The following DCBLD1 variants were observed in gnomAD, a reference collection of about 807,000 sequenced individuals.
DCBLD1 encodes discoidin, CUB and LCCL domain containing 1.
In DCBLD1, 57 loss-of-function variants were observed where a neutral mutation model predicts 71.5. The observed-to-expected ratio is 0.80, with a 90% CI of 0.64 to 0.99. The LOEUF is 0.99. Ranked by LOEUF, DCBLD1 falls within the 50% of genes least tolerant of loss-of-function variation. DCBLD1 has a pLI of 0.00. For synonymous variants in DCBLD1, 380 were observed against 363.8 expected (o/e 1.04, Z -0.51); for missense variants, 891 against 923.5 (o/e 0.96, Z 0.46).
At chr6:117,488,681 C>A (rs73766213) in intron 1 of DCBLD1, among the ~76,000 whole-genome samples, 5 of 152,068 alleles carry the variant, frequency 3.3e-5, no homozygotes, top group Non-Finnish European at 7.4e-5. Flanking sequence ...TGAAAAGAAC[C>A]GGGAATCTCT....
intron 14 of DCBLD1, among the ~76,000 whole-genome samples, chr6:117,569,019 G>C (rs1251096631): frequency 6.6e-6 from 1 of 152,176 alleles, no homozygotes; most frequent in African/African-American, 2.4e-5. Flanking sequence ...TGACAAATAT[G>C]ACTCCTGAGT....
Position 117,504,060 on chromosome 6 carries a change from G to A in DCBLD1, c.325+81G>A, listed in dbSNP as rs551843392. 1.8e-5 allele frequency: 26 copies of A among 1,426,508 alleles called. No homozygotes were observed. The South Asian group carries it at 1.8e-4, about 10-fold the overall frequency. 88.4% of individuals were successfully genotyped at this position (1,426,508 alleles called of 1,614,324 possible). On this transcript the variant is annotated intron_variant, in intron 2 of 14. Transcript: ENST00000338728. ...AAGGGCAAGTGGTGTGTTAATTAAC[G>A]CTATATCATGAGAAGATTAGAAGAG...
chr6:117,538,196 G>A (rs768194560), intron 7 of DCBLD1, among the ~76,000 whole-genome samples: 9 of 152,160 alleles, frequency 5.9e-5, no homozygotes, highest in African/African-American at 1.9e-4. Flanking sequence ...ATGTTCAGAC[G>A]ACTTAGACAC....
chr6:117,533,760 C>G (rs1306861431), intron 6 of DCBLD1, among the ~76,000 whole-genome samples: 1 of 152,122 alleles, frequency 6.6e-6, no homozygotes, highest in African/African-American at 2.4e-5. Context: ...GGGTTAGAGT[C>G]AAGACTGAGG....
chr6:117,511,685 AACTTATCTGTTGAAG>A (rs1241158807), intron 2 of DCBLD1, among the ~76,000 whole-genome samples: 1 of 152,224 alleles, frequency 6.6e-6, no homozygotes, highest in African/African-American at 2.4e-5. Flanking sequence ...TAATAATTAC[AACTTATCTGTTGAAG>A]TTTTTTAAAT....
chr6:117,552,445 A>G (rs1238938943), downstream of DCBLD1, among the ~76,000 whole-genome samples: 3 of 152,128 alleles, frequency 2.0e-5, no homozygotes, highest in Admixed American at 6.5e-5. Flanking sequence ...CAACAAATGC[A>G]CTTAACTGTG....
chr6:117,548,569 A>G lies in DCBLD1; in HGVS notation c.*130A>G. 1 of 1,463,258 alleles carries G rather than the reference A, an allele frequency of 6.8e-7. No individual in the cohort carries two copies. Among genetic ancestry groups the G allele is most frequent in the East Asian group, 2.5e-5 (1 of 40,328 alleles). The allele number at this position is 1,463,258 out of a possible 1,614,324, so 90.6% of individuals were successfully genotyped here. On this transcript the variant is annotated 3_prime_UTR_variant, in exon 15 of 15. Coordinates refer to ENST00000338728, the MANE Select transcript of DCBLD1 (RefSeq NM_001366458.2). ...GTGTACACTTGCATGTGTGTGTGTGATCCAGTAGGATCCTAGAGACAACCT... is the reference window on the plus strand; with the variant it reads ...GTGTACACTTGCATGTGTGTGTGTGGTCCAGTAGGATCCTAGAGACAACCT...
In DCBLD1 at chr6:117,539,336, C is replaced by A. The variant is rs747133099; in HGVS notation, c.1058C>A (p.Ser353Tyr). 1.4e-4 allele frequency: 230 copies of A among 1,607,034 alleles called. 3 individuals are homozygous for A. The East Asian group carries it at 4.0e-3, about 28-fold the overall frequency. ...SFVMNFKNNN[S>Y]KWKTYKGIVN... ...GTGATGAACTTCAAAAACAATAATT[C>A]TAAGTGGAAGACCTATAAAGGAATT... The change falls in exon 9 of 15, where the codon TCT becomes TAT. Residue 353 changes from serine to tyrosine, a missense_variant. Physicochemically the swap from Ser to Tyr is moderately radical, Grantham distance 144. Coordinates refer to ENST00000338728, the MANE Select transcript of DCBLD1 (RefSeq NM_001366458.2).
chr6:117,568,091 C>CA (rs1426493148), intron 14 of DCBLD1, among the ~76,000 whole-genome samples: 2 of 150,888 alleles, frequency 1.3e-5, no homozygotes, highest in Admixed American at 1.3e-4. Flanking sequence ...CTTAGCTACT[C>CA]AGGGGGCTGA....
At chr6:117,493,532 G>T (rs1197264740) in intron 1 of DCBLD1, among the ~76,000 whole-genome samples, 4 of 152,112 alleles carry the variant, frequency 2.6e-5, no homozygotes, top group African/African-American at 9.7e-5. Context: ...AATTAAACAT[G>T]ACTTTTTTCT....
intron 14 of DCBLD1, among the ~76,000 whole-genome samples, chr6:117,546,021 CAA>C (rs1316711907): frequency 2.0e-5 from 3 of 152,204 alleles, no homozygotes; most frequent in Non-Finnish European, 4.4e-5. Context: ...CAAGCCACAT[CAA>C]GAGTCGAGCT....
At chr6:117,505,924 T>C (rs1054713134) in intron 2 of DCBLD1, among the ~76,000 whole-genome samples, 7 of 152,186 alleles carry the variant, frequency 4.6e-5, no homozygotes, top group Admixed American at 4.6e-4. Flanking sequence ...TCTTGAGCTT[T>C]CAAGCTTAGA....
In DCBLD1 at chr6:117,538,568, TG is replaced by T; in HGVS notation, c.761-51del. 1.1e-5 allele frequency: 17 copies of T among 1,546,218 alleles called. No homozygotes were observed. The Admixed American group carries it at 1.4e-4, about 13-fold the overall frequency. On this transcript the variant is annotated intron_variant, in intron 7 of 14. Transcript: ENST00000338728. ...TGAGATGTGGTACTACTTTTTTTTT[TG>T]CTGTTATTTTATGTCTGTATCTAAA...
chr6:117,544,678 T>G, intron 13 of DCBLD1, 101 bp downstream of exon 13: 2 of 1,293,162 alleles, frequency 1.5e-6, no homozygotes, highest in Non-Finnish European at 2.2e-6. Context: ...ATTTATTTGG[T>G]TAAAAGACAT....
intron 1 of DCBLD1, among the ~76,000 whole-genome samples, chr6:117,495,634 T>C (rs573611658): frequency 6.7e-4 from 102 of 152,260 alleles, no homozygotes; most frequent in African/African-American, 2.4e-3. Flanking sequence ...CTCCCAAGTA[T>C]ATGGAAATAA....
intron 7 of DCBLD1, 21 bp from the exon 8 acceptor site, chr6:117,538,598 TC>T (rs1778979189): frequency 6.2e-7 from 1 of 1,611,030 alleles, no homozygotes; most frequent in African/African-American, 1.3e-5. Context: ...ATCTAAAATA[TC>T]TTACTGCACT....
At chr6:117,535,973 G>A (rs1220754877) in intron 6 of DCBLD1, among the ~76,000 whole-genome samples, 2 of 152,162 alleles carry the variant, frequency 1.3e-5, no homozygotes, top group African/African-American at 4.8e-5. Context: ...ATTCAGTGCA[G>A]AGATTATAGA....
intron 14 of DCBLD1, among the ~76,000 whole-genome samples, chr6:117,568,632 T>A (rs2114605917): frequency 6.6e-6 from 1 of 152,312 alleles, no homozygotes; most frequent in Admixed American, 6.5e-5. Context: ...AAGAGACAGA[T>A]GATGCAGTGG....
At chr6:117,524,988 GAAAAC>G (rs1741962616) in intron 4 of DCBLD1, among the ~76,000 whole-genome samples, 1 of 151,918 alleles carries the variant, frequency 6.6e-6, no homozygotes, top group Admixed American at 6.6e-5. Flanking sequence ...TTTATCCATA[GAAAAC>G]AAAATTGTTA....
Sources: gnomAD v4.1 joint callset for allele counts (sites outside exome capture counted in the v4.1 genomes callset) on GRCh38, gnomAD v4.1.1 for gene constraint, MANE v1.5 for transcripts, NCBI Gene and HGNC (gene_info 2026-07-23, HGNC 2026-07-21) for gene names.